DSCAM: variants seen among roughly 807,000 people sequenced by gnomAD.
DSCAM encodes DS cell adhesion molecule.
DSCAM carries 47 observed loss-of-function variants against 217.7 expected under a neutral mutation model. The ratio of observed to expected loss-of-function variants is 0.22; its 90% confidence interval spans 0.17 to 0.28. The LOEUF is 0.28. DSCAM is among the 10% of genes least tolerant of loss of function. The pLI is 1.00. For missense variants in DSCAM, 2,080 were observed against 2,618.3 expected, an observed-to-expected ratio of 0.79 and a Z score of 4.49; for synonymous variants, 1,056 against 1,015.3, an observed-to-expected ratio of 1.04 and a Z score of -0.76.
intron 3 of DSCAM, among the ~76,000 whole-genome samples, chr21:40,584,786 A>C (rs986676005): frequency 6.6e-6 from 1 of 152,150 alleles, no homozygotes; most frequent in Non-Finnish European, 1.5e-5. Context: ...GGTGATTCTG[A>C]TGCTCCACAG....
intron 15 of DSCAM, among the ~76,000 whole-genome samples, chr21:40,173,844 C>A (rs540057783): frequency 1.4e-4 from 22 of 152,328 alleles, no homozygotes; most frequent in Middle Eastern, 6.8e-3. Context: ...ATAATCCACA[C>A]CTTCTATTCT....
At chr21:40,598,310 C>T (rs529490803) in intron 3 of DSCAM, among the ~76,000 whole-genome samples, 1 of 152,210 alleles carries the variant, frequency 6.6e-6, no homozygotes, top group Admixed American at 6.5e-5. Context: ...GAGTAAAAGT[C>T]CACAGTTCAC....
intron 32 of DSCAM, among the ~76,000 whole-genome samples, chr21:40,035,623 A>G (rs2088605299): frequency 6.8e-6 from 1 of 147,274 alleles, no homozygotes; most frequent in Admixed American, 6.7e-5. Flanking sequence ...GAAAGTCAAC[A>G]AGGATACCCA....
chr21:40,048,951 G>C (rs1425713436), intron 30 of DSCAM, among the ~76,000 whole-genome samples: 1 of 150,298 alleles, frequency 6.7e-6, no homozygotes, highest in African/African-American at 2.4e-5. Flanking sequence ...TCACACTGTG[G>C]TTTTTGAGGA....
intron 3 of DSCAM, among the ~76,000 whole-genome samples, chr21:40,635,194 G>A (rs1228253009): frequency 1.3e-5 from 2 of 152,080 alleles, no homozygotes; most frequent in African/African-American, 4.8e-5. Flanking sequence ...AAATCCCATC[G>A]ACAGGAGAGA....
At chr21:40,153,627 C>T (rs538516507) in intron 16 of DSCAM, among the ~76,000 whole-genome samples, 6 of 152,184 alleles carry the variant, frequency 3.9e-5, no homozygotes, top group South Asian at 2.1e-4. Context: ...TGGTATGGTG[C>T]GCTACCAGCA....
chr21:40,211,815 TCTC>T (rs1469838349), intron 11 of DSCAM, among the ~76,000 whole-genome samples: 2 of 152,208 alleles, frequency 1.3e-5, no homozygotes, highest in African/African-American at 4.8e-5. Flanking sequence ...ACCTCATTAT[TCTC>T]CTCCATCATT....
intron 14 of DSCAM, 86 bp downstream of exon 14, chr21:40,187,045 C>A: frequency 6.6e-7 from 1 of 1,516,202 alleles, no homozygotes; most frequent in Non-Finnish European, 9.0e-7. Context: ...CTGAGCTGTG[C>A]GCTTACAGGT....
At chr21:40,521,655 T>C (rs1198269356) in intron 3 of DSCAM, among the ~76,000 whole-genome samples, 3 of 152,164 alleles carry the variant, frequency 2.0e-5, no homozygotes, top group African/African-American at 7.2e-5. Flanking sequence ...TTCACTCATA[T>C]GTGAAATCTA....
intron 3 of DSCAM, among the ~76,000 whole-genome samples, chr21:40,468,689 G>A (rs1460521158): frequency 2.6e-5 from 4 of 152,052 alleles, no homozygotes; most frequent in Non-Finnish European, 5.9e-5. Context: ...AGCCTAAGGG[G>A]TTTATTCTCT....
chr21:40,333,617 G>A lies in DSCAM; in HGVS notation c.1783+4484C>T, dbSNP rs974933125. On this transcript the variant is annotated intron_variant, in intron 8 of 32. Transcript: ENST00000400454. ...TGGCCTCAAGTGATCCTCCTGCCTC[G>A]GTCTCCCAAAGTGCTGAGGTTAAAA... is the stretch of plus-strand genomic sequence containing the variant. 5.3e-5 allele frequency among the ~76,000 whole-genome samples: 8 copies of A among 152,174 alleles called. No homozygotes were observed. In the East Asian group the frequency reaches 5.8e-4, roughly 11 times the overall value.
chr21:40,109,007 G>T (rs2089859566), intron 20 of DSCAM, among the ~76,000 whole-genome samples: 1 of 152,168 alleles, frequency 6.6e-6, no homozygotes, highest in South Asian at 2.1e-4. Flanking sequence ...ACTCAAGATG[G>T]ATTAAAAAAT....
chr21:40,805,206 T>G (rs2091775153), intron 1 of DSCAM, among the ~76,000 whole-genome samples: 1 of 152,194 alleles, frequency 6.6e-6, no homozygotes, highest in Non-Finnish European at 1.5e-5. Context: ...AAGTAAACCT[T>G]AATCTTAATA....
intron 3 of DSCAM, among the ~76,000 whole-genome samples, chr21:40,376,722 C>T (rs997614880): frequency 7.1e-6 from 1 of 140,630 alleles, no homozygotes; most frequent in African/African-American, 2.6e-5. Flanking sequence ...ATCTATATAT[C>T]ATATATATGA....
chr21:40,685,647 CTTTGCTGCT>C (rs2090464787), intron 3 of DSCAM, among the ~76,000 whole-genome samples: 1 of 152,182 alleles, frequency 6.6e-6, no homozygotes, highest in Admixed American at 6.5e-5. Flanking sequence ...TGCCTTTTGC[CTTTGCTGCT>C]TTTGCTCCAT....
At chr21:40,616,542 A>C (rs774028051) in intron 3 of DSCAM, among the ~76,000 whole-genome samples, 3 of 152,070 alleles carry the variant, frequency 2.0e-5, no homozygotes, top group African/African-American at 7.2e-5. Flanking sequence ...TTGCTGGAGG[A>C]GTGAGTGTGT....
At chr21:40,327,967 T>C (rs2074336158) in intron 8 of DSCAM, among the ~76,000 whole-genome samples, 7 of 152,062 alleles carry the variant, frequency 4.6e-5, no homozygotes, top group Admixed American at 4.6e-4. Flanking sequence ...GTGATAAGTA[T>C]AAAACATTGG....
intron 8 of DSCAM, among the ~76,000 whole-genome samples, chr21:40,325,030 GT>G (rs144461900): frequency 1.3e-5 from 2 of 152,046 alleles, no homozygotes; most frequent in African/African-American, 4.8e-5. Context: ...TTTCCAATTA[GT>G]TTTTTTACAA....
chr21:40,754,506 A>T (rs1465799893), intron 1 of DSCAM, among the ~76,000 whole-genome samples: 1 of 152,222 alleles, frequency 6.6e-6, no homozygotes, highest in Admixed American at 6.5e-5. Context: ...TGGCAGCTTC[A>T]TCTCTTGGAG....
Sources: gnomAD v4.1 joint callset for allele counts (sites outside exome capture counted in the v4.1 genomes callset) on GRCh38, gnomAD v4.1.1 for gene constraint, MANE v1.5 for transcripts, NCBI Gene and HGNC (gene_info 2026-07-23, HGNC 2026-07-21) for gene names.